Variants in PRKN observed in about 807,000 individuals in gnomAD.
PRKN encodes parkin RBR E3 ubiquitin protein ligase.
A neutral mutation model predicts 59.5 loss-of-function variants in PRKN; 56 were observed. The ratio of observed to expected loss-of-function variants is 0.94; its 90% CI spans 0.76 to 1.18. The LOEUF is 1.18. Among genes scored for constraint, PRKN ranks in the 50% most tolerant of loss-of-function variants. The pLI is 0.00. For missense variants in PRKN, 657 were observed against 596.4 expected (o/e 1.10, Z -1.06); for synonymous variants, 250 against 222.1 (o/e 1.13, Z -1.12).
At chr6:162,694,264 A>G (rs1475091454) in intron 1 of PRKN, among the ~76,000 whole-genome samples, 4 of 151,590 alleles carry the variant, frequency 2.6e-5, no homozygotes, top group South Asian at 4.2e-4. Context: ...AAAAGAAGAA[A>G]TATGGAGTGC....
intron 1 of PRKN, chr6:162,568,814 G>A: frequency 1.4e-6 from 1 of 731,234 alleles, no homozygotes; most frequent in Non-Finnish European, 2.5e-6. Context: ...TTGGCAACAT[G>A]CAGGGGCTGG....
intron 1 of PRKN, among the ~76,000 whole-genome samples, chr6:162,597,196 T>C (rs1433431842): frequency 1.1e-4 from 16 of 152,228 alleles, no homozygotes; most frequent in Admixed American, 1.0e-3. Context: ...CTTATATTTA[T>C]ATGAAATGTA....
chr6:162,417,408 T>G (rs1388204298), intron 2 of PRKN, among the ~76,000 whole-genome samples: 1 of 152,158 alleles, frequency 6.6e-6, no homozygotes, highest in Non-Finnish European at 1.5e-5. Flanking sequence ...CTGCAAAACA[T>G]GCCAGGCCAC....
chr6:162,630,066 C>T (rs1037359873), intron 1 of PRKN, among the ~76,000 whole-genome samples: 1 of 152,098 alleles, frequency 6.6e-6, no homozygotes, highest in Non-Finnish European at 1.5e-5. Context: ...ATGGTCTGCA[C>T]AAGTAGGTGC....
intron 1 of PRKN, among the ~76,000 whole-genome samples, chr6:162,684,258 T>C (rs1017086501): frequency 4.6e-5 from 7 of 152,036 alleles, no homozygotes; most frequent in African/African-American, 1.7e-4. Flanking sequence ...ATTTTTTTTT[T>C]CCAGTGTTTT....
chr6:161,984,195 A>C (rs73026576), intron 5 of PRKN, among the ~76,000 whole-genome samples: 9 of 152,254 alleles, frequency 5.9e-5, no homozygotes, highest in Non-Finnish European at 1.3e-4. Context: ...GTCTCCAAGA[A>C]AGAGATCACT....
intron 5 of PRKN, among the ~76,000 whole-genome samples, chr6:162,009,013 G>A (rs553317320): frequency 6.6e-6 from 1 of 152,054 alleles, no homozygotes; most frequent in South Asian, 2.1e-4. Flanking sequence ...CCAGCACTTT[G>A]GGAGGCTGAG....
rs980914417 is a variant in PRKN, at chr6:161,487,980, T to C, written c.1083+60874A>G. ...GACTAAAACCAATGAGATTCTCCCA[T>C]GAAATGGGGTGGAGAGAGGGGAAAG... On this transcript the variant is annotated intron_variant, in intron 9 of 11. Coordinates refer to ENST00000366898, the MANE Select transcript of PRKN (RefSeq NM_004562.3). This position sits in a 1 kb window ranked among gnomAD's most constrained non-coding sequence, Gnocchi z 5.3. Among the ~76,000 whole-genome samples, 5 of 152,200 alleles carry C rather than the reference T, an allele frequency of 3.3e-5. No individual in the cohort carries two copies. The highest frequency in any genetic ancestry group is 5.9e-5 in the Non-Finnish European group (4 of 68,000).
intron 7 of PRKN, among the ~76,000 whole-genome samples, chr6:161,746,681 T>G (rs1395152830): frequency 6.8e-6 from 1 of 146,872 alleles, no homozygotes; most frequent in Non-Finnish European, 1.5e-5. Flanking sequence ...TCTATAGATA[T>G]ATCTATATAG....
At chr6:162,378,726 G>C (rs1416593778) in intron 2 of PRKN, among the ~76,000 whole-genome samples, 2 of 152,210 alleles carry the variant, frequency 1.3e-5, no homozygotes, top group Non-Finnish European at 2.9e-5. Context: ...CATGCTGAGT[G>C]AAAGGTCTGC....
In PRKN at chr6:161,680,754, TATATATATATATATATA is replaced by T. The variant is rs1263680986; in HGVS notation, c.871+105001_871+105017del. Among the ~76,000 whole-genome samples the T allele has an allele frequency of 2.5e-3, 58 of 23,320 alleles. 2 individuals carry two copies. Among genetic ancestry groups the T allele is most frequent in the African/African-American group, 5.9e-3 (46 of 7,798 alleles). 15.3% of individuals were successfully genotyped at this position (23,320 alleles called of 152,430 possible). A position where few individuals can be genotyped will look rare whatever the true frequency, so the allele number is the denominator to read the frequency against. ...ATATATATATATATATATATATATATATATATATATATATATATATATTTTTTTTTTTTTTTCTTTTC... is the reference window on the plus strand; with the variant it reads ...ATATATATATATATATATATATATATTATATTTTTTTTTTTTTTTCTTTTC... On this transcript the variant is annotated intron_variant, in intron 7 of 11. Coordinates refer to ENST00000366898, the MANE Select transcript of PRKN (RefSeq NM_004562.3).
intron 7 of PRKN, among the ~76,000 whole-genome samples, chr6:161,643,608 T>G (rs1783819318): frequency 6.6e-6 from 1 of 152,194 alleles, no homozygotes; most frequent in Non-Finnish European, 1.5e-5. Context: ...TTTATTTAGG[T>G]ATTCCAAAGA....
In PRKN at chr6:161,548,503, T is replaced by A. The variant is rs976761555; in HGVS notation, c.1083+351A>T. ...GAGAATTCTTTCTCCTTCACTCCTGTCTACTTAAAGGCAACTCTGAAGAAA... is the reference window on the plus strand; with the variant it reads ...GAGAATTCTTTCTCCTTCACTCCTGACTACTTAAAGGCAACTCTGAAGAAA... On this transcript the variant is annotated intron_variant, in intron 9 of 11. Transcript: ENST00000366898. The surrounding 1 kb of genome is among the most constrained non-coding windows in gnomAD (Gnocchi z 4.2). 6.6e-6 allele frequency among the ~76,000 whole-genome samples: 1 copy of A among 152,236 alleles called. No individual in the cohort carries two copies. Among genetic ancestry groups the A allele is most frequent in the Non-Finnish European group, 1.5e-5 (1 of 68,048 alleles).
intron 10 of PRKN, among the ~76,000 whole-genome samples, chr6:161,375,381 G>T (rs1217572084): frequency 6.6e-6 from 1 of 152,168 alleles, no homozygotes; most frequent in African/African-American, 2.4e-5. Context: ...AGGGGCAGGC[G>T]TGTGGTGTCA....
chr6:162,472,767 A>C lies in PRKN; in HGVS notation c.8-29294T>G, dbSNP rs1791821033. ...TGGCCTCCCAAAGTGCTGGGATTACAGGTGTGAGCCACCGCGCCCGGCCCC... is the reference window on the plus strand; with the variant it reads ...TGGCCTCCCAAAGTGCTGGGATTACCGGTGTGAGCCACCGCGCCCGGCCCC... On this transcript the variant is annotated intron_variant, in intron 1 of 11. Coordinates refer to ENST00000366898, the MANE Select transcript of PRKN (RefSeq NM_004562.3). Among the ~76,000 whole-genome samples, 9 of 109,372 alleles carry C rather than the reference A, an allele frequency of 8.2e-5. 2 individuals carry two copies. The Admixed American group carries it at 9.0e-4, about 11-fold the overall frequency. The allele number at this position is 109,372 out of a possible 152,430, so 71.8% of individuals were successfully genotyped here. A position where few individuals can be genotyped will look rare whatever the true frequency, so the allele number is the denominator to read the frequency against.
At chr6:162,023,342 A>G (rs915590251) in intron 5 of PRKN, among the ~76,000 whole-genome samples, 1 of 152,184 alleles carries the variant, frequency 6.6e-6, no homozygotes, top group Admixed American at 6.5e-5. Flanking sequence ...TTGGTGTACC[A>G]GAAGAATCAG....
intron 2 of PRKN, among the ~76,000 whole-genome samples, chr6:162,272,750 C>T (rs1780450237): frequency 1.3e-5 from 2 of 151,966 alleles, no homozygotes; most frequent in African/African-American, 4.8e-5. Flanking sequence ...GTAATCCCAG[C>T]ACTTTGGGAG....
rs111860249 is a variant in PRKN at position 162,236,709 on chromosome 6, C to T, written c.412+25816G>A. Among the ~76,000 whole-genome samples the T allele has an allele frequency of 1.6e-3, 244 of 151,988 alleles. 7 individuals carry two copies. The highest frequency in any genetic ancestry group is 5.6e-3 in the African/African-American group (230 of 41,430). On this transcript the variant is annotated intron_variant, in intron 3 of 11. Coordinates refer to ENST00000366898, the MANE Select transcript of PRKN (RefSeq NM_004562.3). ...ACTCAGGAGGCTAAGGCAGGAGCATCGCTTGAACCTGGGACGCAGAGGTTG... is the reference window on the plus strand; with the variant it reads ...ACTCAGGAGGCTAAGGCAGGAGCATTGCTTGAACCTGGGACGCAGAGGTTG...
rs140496511 is a variant in PRKN, at chr6:161,463,596, C to G, written c.1084-76719G>C. ...TCTTGATATCCAGATATGGAGTATT[C>G]CCATTTCTTGGTTCCCATGGACTGA... On this transcript the variant is annotated intron_variant, in intron 9 of 11. Coordinates refer to ENST00000366898, the MANE Select transcript of PRKN (RefSeq NM_004562.3). This position sits in a 1 kb window ranked among gnomAD's most constrained non-coding sequence, Gnocchi z 4.8. Among the ~76,000 whole-genome samples the G allele has an allele frequency of 2.0e-5, 3 of 152,280 alleles. No individual in the cohort carries two copies. Among genetic ancestry groups the G allele is most frequent in the Non-Finnish European group, 2.9e-5 (2 of 68,022 alleles).
Sources: allele counts gnomAD v4.1 joint callset (sites outside exome capture counted in the v4.1 genomes callset), GRCh38; gene constraint gnomAD v4.1.1; non-coding constraint Gnocchi (gnomAD v3.1); transcripts MANE v1.5; gene names NCBI Gene and HGNC (gene_info 2026-07-23, HGNC 2026-07-21).